The following TC2N variants were observed in gnomAD, a reference collection of about 807,000 sequenced individuals.
TC2N encodes tandem C2 domains, nuclear, also known as tandem C2 domains nuclear protein.
Under a neutral mutation model 61.9 loss-of-function variants are expected in TC2N, and 51 were observed. The observed-to-expected ratio is 0.82, with a 90% CI of 0.66 to 1.04. The LOEUF (loss-of-function observed/expected upper bound fraction) is 1.04, where lower values mean the gene tolerates loss of function less well. TC2N is among the 50% of genes least tolerant of loss of function. The pLI, the probability that TC2N is intolerant of heterozygous loss-of-function variation, is 0.00. For synonymous variants in TC2N, 204 were observed against 192.6 expected, an observed-to-expected ratio of 1.06 and a Z score of -0.49; for missense variants, 556 against 566.7, an observed-to-expected ratio of 0.98 and a Z score of 0.19.
intron 1 of TC2N, among the ~76,000 whole-genome samples, chr14:91,841,603 G>A (rs1428011571): frequency 7.2e-5 from 11 of 152,202 alleles, no homozygotes; most frequent in Non-Finnish European, 1.5e-4. Context: ...GACCCAAGAT[G>A]ACTTGAGAGC....
intron 1 of TC2N, among the ~76,000 whole-genome samples, chr14:91,849,479 T>C (rs915722363): frequency 2.6e-5 from 4 of 152,242 alleles, no homozygotes; most frequent in African/African-American, 7.2e-5. Flanking sequence ...GATTTCTTGG[T>C]TGCATTCTTG....
intron 9 of TC2N, among the ~76,000 whole-genome samples, chr14:91,791,842 C>T (rs376543360): frequency 2.0e-5 from 3 of 152,216 alleles, no homozygotes; most frequent in East Asian, 1.9e-4. Flanking sequence ...AGAGGCCAGG[C>T]GCAGTGGCTC....
At chr14:91,856,972 C>T (rs1425320600) in intron 1 of TC2N, among the ~76,000 whole-genome samples, 1 of 152,178 alleles carries the variant, frequency 6.6e-6, no homozygotes, top group East Asian at 1.9e-4. Flanking sequence ...GTAGTTACAA[C>T]AGTTTAGGAT....
At chr14:91,813,334 T>C (rs1291431318) in intron 2 of TC2N, among the ~76,000 whole-genome samples, 3 of 151,800 alleles carry the variant, frequency 2.0e-5, no homozygotes, top group Non-Finnish European at 3.0e-5. Context: ...TTGGTCAGAA[T>C]ATGTTGTCTC....
At chr14:91,834,459 TTTTTC>T (rs1441140501) in intron 1 of TC2N, among the ~76,000 whole-genome samples, 12 of 152,284 alleles carry the variant, frequency 7.9e-5, no homozygotes, top group Non-Finnish European at 7.4e-5. Context: ...TTATTTCTCT[TTTTTC>T]TTTTCTTTTC....
chr14:91,794,039 T>C (rs1885786366), intron 8 of TC2N, among the ~76,000 whole-genome samples: 1 of 152,212 alleles, frequency 6.6e-6, no homozygotes, highest in Admixed American at 6.5e-5. Context: ...GCCTTATTGC[T>C]GATGTGGAGA....
At chr14:91,853,007 C>T (rs1458847378) in intron 1 of TC2N, among the ~76,000 whole-genome samples, 2 of 151,988 alleles carry the variant, frequency 1.3e-5, no homozygotes, top group Non-Finnish European at 2.9e-5. Context: ...GGAGGCAGAG[C>T]TTGCAGTGAG....
chr14:91,797,178 C>T (rs1416958426), intron 8 of TC2N, among the ~76,000 whole-genome samples: 6 of 151,862 alleles, frequency 4.0e-5, no homozygotes, highest in African/African-American at 1.2e-4. Context: ...AAGCAATACA[C>T]GCAATTTAAA....
At chr14:91,861,236 A>G (rs1888582422) in intron 1 of TC2N, among the ~76,000 whole-genome samples, 1 of 152,224 alleles carries the variant, frequency 6.6e-6, no homozygotes, top group Non-Finnish European at 1.5e-5. Flanking sequence ...AGCCACAAGA[A>G]AGTACCATGT....
chr14:91,816,304 T>G (rs1029474392), intron 1 of TC2N, among the ~76,000 whole-genome samples: 2 of 151,854 alleles, frequency 1.3e-5, no homozygotes, highest in African/African-American at 4.8e-5. Flanking sequence ...CTTAATACCA[T>G]GGACTTTTGC....
At chr14:91,803,483 C>T (rs1886362504) in intron 3 of TC2N, among the ~76,000 whole-genome samples, 2 of 151,832 alleles carry the variant, frequency 1.3e-5, no homozygotes, top group Non-Finnish European at 2.9e-5. Flanking sequence ...AGTTGATTCT[C>T]ACTCTGTTGC....
intron 8 of TC2N, among the ~76,000 whole-genome samples, chr14:91,792,975 A>C (rs1885731365): frequency 6.6e-6 from 1 of 152,202 alleles, no homozygotes; most frequent in South Asian, 2.1e-4. Context: ...GTTCACATAA[A>C]GAGACTTGAA....
At chr14:91,848,694 C>G (rs1019025369) in intron 1 of TC2N, among the ~76,000 whole-genome samples, 2 of 152,198 alleles carry the variant, frequency 1.3e-5, no homozygotes, top group Non-Finnish European at 2.9e-5. Context: ...CTGGATCCGT[C>G]TACTCACATG....
intron 1 of TC2N, among the ~76,000 whole-genome samples, chr14:91,858,693 G>A (rs890124320): frequency 4.6e-5 from 7 of 152,112 alleles, no homozygotes; most frequent in African/African-American, 1.7e-4. Context: ...GTTTATCTTA[G>A]AATTTCTTTC....
At chr14:91,852,014 C>T (rs926186656) in intron 1 of TC2N, among the ~76,000 whole-genome samples, 1 of 152,232 alleles carries the variant, frequency 6.6e-6, no homozygotes, top group African/African-American at 2.4e-5. Flanking sequence ...AGTATCATTG[C>T]TCATTCAATG....
chr14:91,787,447 T>TAA lies in TC2N; in HGVS notation c.1162+64_1162+65dup, dbSNP rs937159662. 99 of 876,078 alleles carry TAA rather than the reference T, an allele frequency of 1.1e-4. No individual in the cohort carries two copies. In the African/African-American group the frequency reaches 1.7e-3, roughly 15 times the overall value. The allele number at this position is 876,078 out of a possible 1,614,324, so 54.3% of individuals were successfully genotyped here. On this transcript the variant is annotated intron_variant, in intron 10 of 11. Transcript: ENST00000435962. The stretch of plus-strand genomic sequence containing the variant: ...ATTTTAATCTCCATTGTAAGAAATG[T>TAA]AAAAAAAATACTTTCTATTACTAAT...
chr14:91,810,021 T>C (rs1827135564), intron 3 of TC2N, among the ~76,000 whole-genome samples: 1 of 152,196 alleles, frequency 6.6e-6, no homozygotes, highest in African/African-American at 2.4e-5. Flanking sequence ...CTTGCTGTTT[T>C]GTAGTGTGTA....
chr14:91,855,283 C>T (rs930633581), intron 1 of TC2N, among the ~76,000 whole-genome samples: 12 of 152,190 alleles, frequency 7.9e-5, no homozygotes, highest in African/African-American at 2.7e-4. Flanking sequence ...GTACCACAAA[C>T]CGAGTGGCTT....
intron 3 of TC2N, among the ~76,000 whole-genome samples, chr14:91,806,724 A>G (rs1333331377): frequency 2.0e-5 from 3 of 152,270 alleles, no homozygotes; most frequent in Admixed American, 1.3e-4. Flanking sequence ...AAAAATTTGC[A>G]GACTGTCAAT....
Sources: gnomAD v4.1 joint callset for allele counts (sites outside exome capture counted in the v4.1 genomes callset) on GRCh38, gnomAD v4.1.1 for gene constraint, MANE v1.5 for transcripts, NCBI Gene and HGNC (gene_info 2026-07-23, HGNC 2026-07-21) for gene names.